Variants in PLCG2 observed in about 807,000 individuals in gnomAD.
PLCG2 encodes phospholipase C gamma 2, also known as 1-phosphatidylinositol 4,5-bisphosphate phosphodiesterase gamma-2.
Under a neutral mutation model 175.6 loss-of-function variants are expected in PLCG2, and 69 were observed. That is an observed-to-expected ratio of 0.39 (90% CI 0.32 to 0.48). The LOEUF is 0.48. PLCG2 is among the 20% of genes least tolerant of loss of function. The probability of loss-of-function intolerance (pLI) is 0.91; values close to 1 mark genes in which losing one functional copy is unlikely to be tolerated. For missense variants in PLCG2, 1,798 were observed against 1,650.9 expected (o/e 1.09, Z -1.54); for synonymous variants, 827 against 624.0 (o/e 1.33, Z -4.85).
chr16:81,850,326 A>C (rs1906340275), intron 2 of PLCG2, among the ~76,000 whole-genome samples: 1 of 152,208 alleles, frequency 6.6e-6, no homozygotes, highest in African/African-American at 2.4e-5. Context: ...AGTCTGTAAA[A>C]GTACTCAAGC....
intron 8 of PLCG2, 99 bp downstream of exon 8, chr16:81,881,052 C>T: frequency 6.5e-6 from 8 of 1,237,694 alleles, no homozygotes; most frequent in Admixed American, 1.8e-5. Flanking sequence ...TGTGCAGGCG[C>T]TGACCTCCAA....
At chr16:81,926,769 G>A (rs1910292110) in intron 22 of PLCG2, among the ~76,000 whole-genome samples, 1 of 152,174 alleles carries the variant, frequency 6.6e-6, no homozygotes, top group Non-Finnish European at 1.5e-5. Flanking sequence ...CCGAAATAGG[G>A]GTGAACTTTT....
intron 21 of PLCG2, among the ~76,000 whole-genome samples, chr16:81,922,111 C>T (rs1013463420): frequency 6.6e-5 from 10 of 152,106 alleles, no homozygotes; most frequent in African/African-American, 1.7e-4. Flanking sequence ...AAGCAGGATA[C>T]GCAAGTAGAG....
intron 2 of PLCG2, among the ~76,000 whole-genome samples, chr16:81,761,671 G>A (rs148954011): frequency 6.6e-6 from 1 of 152,032 alleles, no homozygotes; most frequent in Non-Finnish European, 1.5e-5. Flanking sequence ...CAGACATAAG[G>A]CTTAGAACCA....
At chr16:81,846,843 T>C (rs1906145884) in intron 2 of PLCG2, among the ~76,000 whole-genome samples, 2 of 152,212 alleles carry the variant, frequency 1.3e-5, no homozygotes, top group Admixed American at 1.3e-4. Context: ...TTTTTTCTCT[T>C]TCTCTTTCCT....
chr16:81,783,432 G>T (rs540130140), intron 1 of PLCG2, among the ~76,000 whole-genome samples: 3 of 152,268 alleles, frequency 2.0e-5, no homozygotes, highest in East Asian at 3.9e-4. Context: ...CTTTCTATCT[G>T]TGTGACCTCG....
intron 19 of PLCG2, among the ~76,000 whole-genome samples, chr16:81,919,036 A>G (rs923033587): frequency 6.6e-6 from 1 of 152,182 alleles, no homozygotes; most frequent in Non-Finnish European, 1.5e-5. Context: ...TGCAGGCCAT[A>G]TGGTCTCTGT....
chr16:81,946,169 C>A lies in PLCG2; in HGVS notation c.3482-6C>A. 1 of 1,611,640 alleles carries A rather than the reference C, an allele frequency of 6.2e-7. No homozygotes were observed. The highest frequency in any genetic ancestry group is 8.5e-7 in the Non-Finnish European group (1 of 1,177,808). On this transcript the variant is annotated splice_region_variant and splice_polypyrimidine_tract_variant and intron_variant, in intron 30 of 32. Coordinates refer to ENST00000564138, the MANE Select transcript of PLCG2 (RefSeq NM_002661.5). Reference sequence around the variant, plus strand: ...CCTTTGCATTTTCCTCCTTGTTCTGCTTCAGGATTCAGGTCCGTTCCTCTG... The same window carrying A: ...CCTTTGCATTTTCCTCCTTGTTCTGATTCAGGATTCAGGTCCGTTCCTCTG...
At chr16:81,752,337 G>A (rs1022894535) in intron 1 of PLCG2, among the ~76,000 whole-genome samples, 1 of 152,172 alleles carries the variant, frequency 6.6e-6, no homozygotes, top group Non-Finnish European at 1.5e-5. Flanking sequence ...AGAAGTACCC[G>A]GCCAGCTCCT....
At chr16:81,866,366 G>C (rs1267562513) in intron 5 of PLCG2, among the ~76,000 whole-genome samples, 2 of 130,744 alleles carry the variant, frequency 1.5e-5, no homozygotes, top group African/African-American at 5.9e-5. Flanking sequence ...CCCAGGTTGA[G>C]CTCCACTGGG....
At chr16:81,909,727 C>A (rs954544095) in intron 17 of PLCG2, among the ~76,000 whole-genome samples, 1 of 152,198 alleles carries the variant, frequency 6.6e-6, no homozygotes, top group African/African-American at 2.4e-5. Flanking sequence ...AATTAGAATA[C>A]TAATAACACG....
At chr16:81,799,238 C>G (rs553882455) in intron 2 of PLCG2, among the ~76,000 whole-genome samples, 1 of 152,106 alleles carries the variant, frequency 6.6e-6, no homozygotes, top group Non-Finnish European at 1.5e-5. Context: ...CCGCCACCCC[C>G]CTACCCAGAG....
chr16:81,756,212 C>T (rs35169219), intron 2 of PLCG2, among the ~76,000 whole-genome samples: 13,704 of 152,288 alleles, frequency 0.09, 788 homozygotes, highest in South Asian at 0.17. Context: ...ATGGATGGGC[C>T]ACATTTCCCC....
chr16:81,946,379 C>G (rs1205468908), intron 31 of PLCG2, 116 bp downstream of exon 31: 4 of 740,260 alleles, frequency 5.4e-6, no homozygotes, highest in Non-Finnish European at 9.8e-6. Flanking sequence ...TTGTCTAGCC[C>G]AAGCATGAGA....
At chr16:81,817,471 G>A (rs575622836) in intron 2 of PLCG2, among the ~76,000 whole-genome samples, 9 of 152,344 alleles carry the variant, frequency 5.9e-5, no homozygotes, top group African/African-American at 2.2e-4. Flanking sequence ...GAGGGGTGCT[G>A]CGCAAGGCAC....
chr16:81,859,496 C>G (rs1381271377), intron 5 of PLCG2, among the ~76,000 whole-genome samples: 1 of 151,182 alleles, frequency 6.6e-6, no homozygotes, highest in Non-Finnish European at 1.5e-5. Flanking sequence ...TGCTTTGTGA[C>G]AGGAGAGAGA....
At chr16:81,874,674 C>T (rs1907679436) in intron 7 of PLCG2, among the ~76,000 whole-genome samples, 1 of 152,136 alleles carries the variant, frequency 6.6e-6, no homozygotes, top group Non-Finnish European at 1.5e-5. Context: ...GAACTAAATC[C>T]AGGGAGTGGG....
At chr16:81,830,816 G>C (rs973126058) in intron 2 of PLCG2, among the ~76,000 whole-genome samples, 3 of 151,966 alleles carry the variant, frequency 2.0e-5, no homozygotes, top group African/African-American at 7.3e-5. Flanking sequence ...TGGGAAGGGT[G>C]AGGGGGGCAT....
chr16:81,817,439 G>A (rs990747646), intron 2 of PLCG2, among the ~76,000 whole-genome samples: 3 of 152,144 alleles, frequency 2.0e-5, no homozygotes, highest in African/African-American at 2.4e-5. Flanking sequence ...CTTTTGTTGC[G>A]CACGCTGGAG....
Sources: gnomAD v4.1 joint callset for allele counts (sites outside exome capture counted in the v4.1 genomes callset) on GRCh38, gnomAD v4.1.1 for gene constraint, MANE v1.5 for transcripts, NCBI Gene and HGNC (gene_info 2026-07-23, HGNC 2026-07-21) for gene names.